VWA5A: variants seen among roughly 807,000 people sequenced by gnomAD.
VWA5A encodes the protein von Willebrand factor A domain containing 5A, also known as von Willebrand factor A domain-containing protein 5A.
Under a neutral mutation model 84.6 loss-of-function variants are expected in VWA5A, and 77 were observed. The observed-to-expected ratio is 0.91, with a 90% CI of 0.76 to 1.10. The LOEUF (loss-of-function observed/expected upper bound fraction) is 1.10. Ranked by LOEUF, VWA5A falls within the 50% of genes least tolerant of loss-of-function variation. VWA5A has a pLI of 0.00. For synonymous variants in VWA5A, 334 were observed against 350.1 expected (o/e 0.95, Z 0.51); for missense variants, 973 against 963.0 (o/e 1.01, Z -0.14).
chr11:124,141,803 G>A, intron 16 of VWA5A, 62 bp downstream of exon 16: 4 of 1,569,544 alleles, frequency 2.5e-6, no homozygotes, highest in Non-Finnish European at 3.5e-6. Flanking sequence ...ACAGGACTAG[G>A]CAAGCTAAAA....
rs76031982 is a variant in VWA5A, at chr11:124,122,576, T to G, written c.761-384T>G. ...AAGGCCCATGTGATACATTTCCCAT[T>G]TATTTGATTTGAAGAAAAGGTTTGA... On this transcript the variant is annotated intron_variant, in intron 7 of 18. Transcript: ENST00000456829. Among the ~76,000 whole-genome samples, 21 of 152,342 alleles carry G rather than the reference T, an allele frequency of 1.4e-4. No homozygotes were observed. The East Asian group carries it at 3.3e-3, about 24-fold the overall frequency.
Position 124,118,329 on chromosome 11 carries a change from T to C in VWA5A, c.387T>C (p.Tyr129=). 1 of 1,614,232 alleles carries C rather than the reference T, an allele frequency of 6.2e-7. No individual in the cohort carries two copies. The highest frequency in any genetic ancestry group is 8.5e-7 in the Non-Finnish European group (1 of 1,180,036). The change falls in exon 5 of 19, where the codon TAT becomes TAC. Residue 129 remains tyrosine (Y), a synonymous_variant. Transcript: ENST00000456829. ...CGAAGGCGGCAGTCACCCTGAAGTA[T>C]GTGCAGGAGCTGCCTCTGGAAGCAG... ...PGSKAAVTLK[Y]VQELPLEADG...
intron 11 of VWA5A, among the ~76,000 whole-genome samples, chr11:124,125,046 A>T (rs1486831879): frequency 6.6e-6 from 1 of 152,164 alleles, no homozygotes; most frequent in African/African-American, 2.4e-5. Context: ...GTATTCTTGT[A>T]CATGTATTGT....
intron 10 of VWA5A, 59 bp downstream of exon 10, chr11:124,123,863 A>G (rs1223001980): frequency 1.3e-6 from 2 of 1,517,002 alleles, no homozygotes; most frequent in African/African-American, 1.4e-5. Context: ...CTAAGAATCT[A>G]TGCCCCTGAG....
chr11:124,121,936 C>T (rs1277263644), intron 7 of VWA5A, among the ~76,000 whole-genome samples: 1 of 152,194 alleles, frequency 6.6e-6, no homozygotes, highest in Non-Finnish European at 1.5e-5. Flanking sequence ...CCTCCTCCAT[C>T]GTATATCCAG....
chr11:124,123,088 A>G lies in VWA5A; in HGVS notation c.889A>G (p.Ser297Gly), dbSNP rs1864957068. The change falls in exon 8 of 19, where the codon AGT becomes GGT. Residue 297 changes from serine (S) to glycine (G), a missense_variant. By Grantham distance (56) the Ser-to-Gly change is moderately conservative. Coordinates refer to ENST00000456829, the MANE Select transcript of VWA5A (RefSeq NM_001130142.2). The stretch of plus-strand genomic sequence containing the variant: ...CTCGGGAAGTATGCAGAGCCCCATG[A>G]GTAGCCAGGATACATCTCAGCTGCG... ...DRSGSMQSPM[S>G]SQDTSQLRIQ... 3 of 1,613,926 alleles carry G rather than the reference A, an allele frequency of 1.9e-6. No homozygotes were observed. The African/African-American group carries it at 4.0e-5, about 22-fold the overall frequency.
intron 17 of VWA5A, among the ~76,000 whole-genome samples, chr11:124,143,715 A>G (rs1156396049): frequency 6.6e-6 from 1 of 152,208 alleles, no homozygotes; most frequent in Non-Finnish European, 1.5e-5. Context: ...TTCTAGCATT[A>G]TATTTTTATT....
At position 124,118,174 on chromosome 11, in the gene VWA5A, C is replaced by T. The variant is rs762646717; in HGVS notation, c.247-15C>T. 1 of 1,611,560 alleles carries T rather than the reference C, an allele frequency of 6.2e-7. No homozygotes were observed. The highest frequency in any genetic ancestry group is 8.5e-7 in the Non-Finnish European group (1 of 1,178,826). Reference sequence around the variant, plus strand: ...TGTTCCCTTTCTTTCCCATCCCTCGCCCTGTGCTTCTCAGGCCCGCACCAA... The same window carrying T: ...TGTTCCCTTTCTTTCCCATCCCTCGTCCTGTGCTTCTCAGGCCCGCACCAA... On this transcript the variant is annotated splice_polypyrimidine_tract_variant and intron_variant, in intron 4 of 18. Coordinates refer to ENST00000456829, the MANE Select transcript of VWA5A (RefSeq NM_001130142.2).
intron 11 of VWA5A, among the ~76,000 whole-genome samples, chr11:124,131,367 A>G (rs1865095010): frequency 6.6e-6 from 1 of 152,104 alleles, no homozygotes; most frequent in Admixed American, 6.5e-5. Flanking sequence ...TTTAAAATGT[A>G]TGAATTGTCT....
chr11:124,140,437 C>A (rs557999852), intron 15 of VWA5A, among the ~76,000 whole-genome samples: 143 of 151,998 alleles, frequency 9.4e-4, no homozygotes, highest in Non-Finnish European at 1.8e-3. Flanking sequence ...CTGAAAAAAT[C>A]AGATATTATA....
At chr11:124,128,888 G>A (rs528277536) in intron 11 of VWA5A, among the ~76,000 whole-genome samples, 74 of 152,136 alleles carry the variant, frequency 4.9e-4, no homozygotes, top group Non-Finnish European at 1.1e-3. Context: ...GGGCTGAGAC[G>A]ATAAGGTTTT....
At chr11:124,119,870 T>C (rs1864903105) in intron 7 of VWA5A, among the ~76,000 whole-genome samples, 1 of 152,246 alleles carries the variant, frequency 6.6e-6, no homozygotes, top group African/African-American at 2.4e-5. Context: ...ACAGGAAGAA[T>C]GCAAGTAGTC....
chr11:124,125,835 G>A (rs957179118), intron 11 of VWA5A, among the ~76,000 whole-genome samples: 1 of 152,184 alleles, frequency 6.6e-6, no homozygotes. Flanking sequence ...ATGTATTTGA[G>A]TAATAGTTGT....
At position 124,117,823 on chromosome 11, in the gene VWA5A, A is replaced by G; in HGVS notation, c.194A>G (p.Glu65Gly). ...GAAGACTCTGCTGTTTACAGCTTTG[A>G]GGCCTTGGTGGATGGGAAGAAAATT... ...MDEDSAVYSF[E>G]ALVDGKKIVA... Residue 65 changes from glutamate to glycine, a missense_variant, in exon 4 of 19, where the codon GAG becomes GGG. Glu to Gly is a moderately conservative substitution (Grantham distance 98). Transcript: ENST00000456829. The G allele has an allele frequency of 6.2e-7, 1 of 1,614,158 alleles. No homozygotes were observed. Among genetic ancestry groups the G allele is most frequent in the South Asian group, 1.1e-5 (1 of 91,082 alleles).
intron 13 of VWA5A, 96 bp downstream of exon 13, chr11:124,136,389 G>C: frequency 6.6e-7 from 1 of 1,522,942 alleles, no homozygotes; most frequent in South Asian, 1.3e-5. Flanking sequence ...AGCCAGAGAC[G>C]GCACTTGCCA....
In VWA5A at chr11:124,122,945, A is replaced by G. The variant is rs763327951; in HGVS notation, c.761-15A>G. 9 of 1,607,578 alleles carry G rather than the reference A, an allele frequency of 5.6e-6. No individual in the cohort carries two copies. The highest frequency in any genetic ancestry group is 7.6e-6 in the Non-Finnish European group (9 of 1,177,924). Reference sequence around the variant, plus strand: ...TTCCTTTTTGTCTTACAGTGGCTTTATCCTTTCTGAACAGGTCATTTGATG... The same window carrying G: ...TTCCTTTTTGTCTTACAGTGGCTTTGTCCTTTCTGAACAGGTCATTTGATG... On this transcript the variant is annotated splice_polypyrimidine_tract_variant and intron_variant, in intron 7 of 18. Transcript: ENST00000456829.
intron 17 of VWA5A, among the ~76,000 whole-genome samples, chr11:124,143,826 C>T (rs1860771885): frequency 6.6e-6 from 1 of 152,024 alleles, no homozygotes; most frequent in African/African-American, 2.4e-5. Context: ...AAACTTCAGA[C>T]TGACATTTCC....
intron 1 of VWA5A, chr11:124,116,142 A>G (rs1864825964): frequency 6.6e-6 from 1 of 152,198 alleles, no homozygotes; most frequent in Admixed American, 6.5e-5. Flanking sequence ...GGGACTCTGC[A>G]TTCCTGAAGC....
At chr11:124,142,388 G>A in intron 16 of VWA5A, 54 bp from the exon 17 acceptor site, 3 of 1,601,256 alleles carry the variant, frequency 1.9e-6, no homozygotes, top group Non-Finnish European at 2.6e-6. Flanking sequence ...CAAGTGTGCT[G>A]AGGTGCCGAT....
Sources: allele counts gnomAD v4.1 joint callset (sites outside exome capture counted in the v4.1 genomes callset), GRCh38; gene constraint gnomAD v4.1.1; transcripts MANE v1.5; gene names NCBI Gene and HGNC (gene_info 2026-07-23, HGNC 2026-07-21).